Variants in DKC1 observed in about 807,000 individuals in gnomAD.
The protein encoded by DKC1 is H/ACA ribonucleoprotein complex subunit DKC1.
In DKC1, 4 loss-of-function variants were observed where a neutral mutation model predicts 46.7. The ratio of observed to expected loss-of-function variants is 0.09; its 90% CI spans 0.04 to 0.20. The LOEUF (loss-of-function observed/expected upper bound fraction) is 0.20, where lower values mean the gene tolerates loss of function less well. Among genes scored for constraint, DKC1 ranks in the 10% least tolerant of loss-of-function variants. The pLI is 1.00. For missense variants in DKC1, 171 were observed against 404.2 expected (o/e 0.42, Z 4.95); for synonymous variants, 141 against 142.4 (o/e 0.99, Z 0.07).
rs1330128223 is a variant in DKC1 at position 154,765,813 on chromosome X, A to G, written c.172-94A>G. 4 of 681,137 alleles carry G rather than the reference A, an allele frequency of 5.9e-6. No individual in the cohort carries two copies. In the African/African-American group the frequency reaches 6.4e-5, roughly 11 times the overall value. The allele number at this position is 681,137 out of a possible 1,213,427, so 56.1% of individuals were successfully genotyped here. A position where few individuals can be genotyped will look rare whatever the true frequency, so the allele number is the denominator to read the frequency against. ...TGTACTTAGTCCATCTTGCAGACCT[A>G]TGCCAGTTTGTGGGCCACATAGTGG... On this transcript the variant is annotated intron_variant, in intron 3 of 14. Transcript: ENST00000369550.
In DKC1 at chrX:154,768,880, G is replaced by A. The variant is rs1022631986; in HGVS notation, c.772-287G>A. The A allele has an allele frequency of 1.1e-4, 31 of 293,095 alleles. No homozygotes were observed. The East Asian group carries it at 1.6e-3, about 15-fold the overall frequency. 24.2% of individuals were successfully genotyped at this position (293,095 alleles called of 1,213,427 possible). A position where few individuals can be genotyped will look rare whatever the true frequency, so the allele number is the denominator to read the frequency against. ...CGGGCGCCTGTAGTCCCAGCTACTC[G>A]GGAGGCTGAGGCAGGAGAATGGCGT... On this transcript the variant is annotated intron_variant, in intron 8 of 14. Coordinates refer to ENST00000369550, the MANE Select transcript of DKC1 (RefSeq NM_001363.5).
intron 2 of DKC1, chrX:154,765,211 C>A: frequency 2.1e-6 from 1 of 476,154 alleles, no homozygotes; most frequent in Non-Finnish European, 3.7e-6. Context: ...CTTATGCCAC[C>A]CACAGACCCG....
chrX:154,765,126 C>T lies in DKC1; in HGVS notation c.84+160C>T, dbSNP rs2071729493. The T allele has an allele frequency of 5.8e-6, 3 of 513,028 alleles. No homozygotes were observed. The Admixed American group carries it at 8.8e-5, about 15-fold the overall frequency. The allele number at this position is 513,028 out of a possible 1,213,427, so 42.3% of individuals were successfully genotyped here. A position where few individuals can be genotyped will look rare whatever the true frequency, so the allele number is the denominator to read the frequency against. On this transcript the variant is annotated intron_variant, in intron 2 of 14. Transcript: ENST00000369550. Reference sequence around the variant, plus strand: ...AGCACTGAAATGACACAGCCCCAGACAGTCCAAGTGTCCTTCAGGCATAGC... The same window carrying T: ...AGCACTGAAATGACACAGCCCCAGATAGTCCAAGTGTCCTTCAGGCATAGC...
chrX:154,768,197 C>T (rs2071775058), intron 7 of DKC1, 105 bp from the exon 8 acceptor site: 2 of 984,869 alleles, frequency 2.0e-6, no homozygotes, highest in Non-Finnish European at 2.9e-6. Flanking sequence ...AGAAGTGTGT[C>T]TGTCACCTCT....
rs782201995 is a variant in DKC1 at position 154,764,921 on chromosome X, TAAG to T, written c.45_47del (p.Lys17del). Reference sequence around the variant, plus strand: ...TAGTAATTATTTTGCCAAAGAAACATAAGAAGAAAAAGGAGCGGAAGTCATTGC... The same window carrying T: ...TAGTAATTATTTTGCCAAAGAAACATAAGAAAAAGGAGCGGAAGTCATTGC... On this transcript the variant is annotated inframe_deletion, in exon 2 of 15. Transcript: ENST00000369550. 49 of 1,206,606 alleles carry T rather than the reference TAAG, an allele frequency of 4.1e-5. 1 individual carries two copies. The highest frequency in any genetic ancestry group is 3.1e-4 in the Admixed American group (14 of 45,778).
chrX:154,765,278 T>C, intron 2 of DKC1, 166 bp from the exon 3 acceptor site: 1 of 554,781 alleles, frequency 1.8e-6, no homozygotes, highest in Admixed American at 2.4e-5. Context: ...TCACTTCCCC[T>C]CTGTACTCCT....
intron 10 of DKC1, among the ~76,000 whole-genome samples, chrX:154,772,850 C>T (rs782072038): frequency 4.5e-5 from 5 of 111,744 alleles, no homozygotes; most frequent in East Asian, 2.8e-4. Context: ...GTGTGCATGC[C>T]GTTCTTATAG....
chrX:154,765,383 T>C, intron 2 of DKC1, 61 bp from the exon 3 acceptor site: 1 of 922,057 alleles, frequency 1.1e-6, no homozygotes, highest in Non-Finnish European at 1.6e-6. Context: ...TCCATGGCAG[T>C]AATGGAATTG....
rs192386971 is a variant in DKC1 at position 154,765,077 on chromosome X, G to A, written c.84+111G>A. The A allele has an allele frequency of 1.1e-5, 7 of 662,894 alleles. No individual in the cohort carries two copies. In the African/African-American group the frequency reaches 1.5e-4, roughly 14 times the overall value. 54.6% of individuals were successfully genotyped at this position (662,894 alleles called of 1,213,427 possible). A position where few individuals can be genotyped will look rare whatever the true frequency, so the allele number is the denominator to read the frequency against. The stretch of plus-strand genomic sequence containing the variant: ...GTTTCCAAGGAATGGGCCAGCATTG[G>A]TAGTCATTGTGTAGATTCGAAAAAG... On this transcript the variant is annotated intron_variant, in intron 2 of 14. Transcript: ENST00000369550.
intron 10 of DKC1, among the ~76,000 whole-genome samples, chrX:154,771,531 G>C (rs2071826515): frequency 9.6e-6 from 1 of 104,445 alleles, no homozygotes; most frequent in Non-Finnish European, 2.0e-5. Context: ...CTCCCTGCCA[G>C]CCCCCCACTA....
chrX:154,773,002 A>G, intron 10 of DKC1, 129 bp from the exon 11 acceptor site: 1 of 485,894 alleles, frequency 2.1e-6, no homozygotes, highest in Non-Finnish European at 3.7e-6. Flanking sequence ...GAGCAAAGGT[A>G]ACCCCAATTA....
intron 12 of DKC1, 120 bp downstream of exon 12, chrX:154,774,825 C>T (rs1462029696): frequency 4.7e-6 from 3 of 638,191 alleles, no homozygotes; most frequent in Non-Finnish European, 7.9e-6. Context: ...CATCTGGACG[C>T]AGGAGTACAT....
rs146700772 is a variant in DKC1 at position 154,769,233 on chromosome X, A to C, written c.838A>C (p.Ser280Arg). 3.6e-4 allele frequency: 432 copies of C among 1,208,959 alleles called. No homozygotes were observed. The highest frequency in any genetic ancestry group is 4.6e-4 in the Middle Eastern group (2 of 4,347). Residue 280 changes from serine (S) to arginine (R), a missense_variant, in exon 9 of 15, where the codon AGT (serine) becomes CGT (arginine). By Grantham distance (110) the Ser-to-Arg change is moderately radical. Coordinates refer to ENST00000369550, the MANE Select transcript of DKC1 (RefSeq NM_001363.5). ...GCTGTATGATAACCACAAGGATGAG[A>C]GTTACCTGCGGCGAGTTGTTTACCC... ...QWLYDNHKDE[S>R]YLRRVVYPLE...
intron 11 of DKC1, among the ~76,000 whole-genome samples, chrX:154,774,204 G>A (rs1261695123): frequency 8.9e-6 from 1 of 112,054 alleles, no homozygotes; most frequent in Non-Finnish European, 1.9e-5. Context: ...GTGCAGAGAG[G>A]TGTCTGTCAC....
chrX:154,776,712 T>C, intron 14 of DKC1, 87 bp from the exon 15 acceptor site: 1 of 953,215 alleles, frequency 1.0e-6, no homozygotes, highest in Non-Finnish European at 1.5e-6. Flanking sequence ...CTTGCTTGAC[T>C]GTGGACCTTT....
At chrX:154,774,158 A>G (rs1477672917) in intron 11 of DKC1, among the ~76,000 whole-genome samples, 1 of 112,204 alleles carries the variant, frequency 8.9e-6, no homozygotes, top group Admixed American at 9.4e-5. Context: ...ACACAGTGGA[A>G]TGGCGAATTT....
At position 154,776,220 on chromosome X, in the gene DKC1, A is replaced by C; in HGVS notation, c.1372A>C (p.Thr458Pro). 8.3e-7 allele frequency: 1 copy of C among 1,211,227 alleles called. No individual in the cohort carries two copies. Among genetic ancestry groups the C allele is most frequent in the Non-Finnish European group, 1.1e-6 (1 of 895,151 alleles). The change falls in exon 14 of 15, where the codon ACT becomes CCT. Residue 458 changes from threonine (T) to proline (P), a missense_variant. This residue lies in a region of DKC1 where 54 missense variants were observed against 64.4 expected (regional missense o/e 0.84). Transcript: ENST00000369550. ...KRESESESDE[T>P]PPAAPQLIKK... ...AGAGAGTGAGAGTGAAAGTGACGAGACTCCTCCAGCAGCTCCTCAGTTGAT... is the reference window on the plus strand; with the variant it reads ...AGAGAGTGAGAGTGAAAGTGACGAGCCTCCTCCAGCAGCTCCTCAGTTGAT...
rs1033528226 is a variant in DKC1, at chrX:154,765,546, C to T, written c.171+16C>T. The T allele has an allele frequency of 7.2e-6, 8 of 1,111,868 alleles. No homozygotes were observed. In the African/African-American group the frequency reaches 9.0e-5, roughly 13 times the overall value. The allele number at this position is 1,111,868 out of a possible 1,213,427, so 91.6% of individuals were successfully genotyped here. ...TTTGCTAAAGGTATGTGGTTAAAAT[C>T]GTGCATCAGATGAATGCCTGCTTTT... is the stretch of plus-strand genomic sequence containing the variant. On this transcript the variant is annotated intron_variant, in intron 3 of 14. Transcript: ENST00000369550.
At chrX:154,771,128 G>A (rs1051441969) in intron 10 of DKC1, among the ~76,000 whole-genome samples, 3 of 106,107 alleles carry the variant, frequency 2.8e-5, no homozygotes, top group African/African-American at 1.0e-4. Context: ...TAGTCACCCC[G>A]TTGTGCTATT....
Sources: allele counts gnomAD v4.1 joint callset (sites outside exome capture counted in the v4.1 genomes callset), GRCh38; gene constraint gnomAD v4.1.1; regional missense constraint gnomAD v4.1.1; transcripts MANE v1.5; gene names NCBI Gene and HGNC (gene_info 2026-07-23, HGNC 2026-07-21).